The following MCTP2 variants were observed in gnomAD, a reference collection of about 807,000 sequenced individuals.
The protein encoded by MCTP2 is multiple C2 and transmembrane domain-containing protein 2.
A neutral mutation model predicts 111.6 loss-of-function variants in MCTP2; 132 were observed. That is an observed-to-expected ratio of 1.18 (90% CI 1.03 to 1.37). MCTP2 has a LOEUF of 1.37. Among genes scored for constraint, MCTP2 ranks in the 40% most tolerant of loss-of-function variants. MCTP2 has a pLI of 0.00. For missense variants in MCTP2, 1,183 were observed against 1,067.9 expected (o/e 1.11, Z -1.50); for synonymous variants, 395 against 387.7 (o/e 1.02, Z -0.22).
intron 4 of MCTP2, among the ~76,000 whole-genome samples, chr15:94,321,496 T>C (rs1313159661): frequency 1.3e-5 from 2 of 152,220 alleles, no homozygotes; most frequent in African/African-American, 4.8e-5. Context: ...TATGTTGTTA[T>C]AGTAATTAAT....
intron 4 of MCTP2, among the ~76,000 whole-genome samples, chr15:94,337,297 C>T (rs971255623): frequency 5.9e-5 from 9 of 152,100 alleles, no homozygotes; most frequent in East Asian, 1.9e-4. Flanking sequence ...GCCATTCACC[C>T]GTGAAACAGT....
chr15:94,390,626 A>C (rs1454346677), intron 14 of MCTP2, among the ~76,000 whole-genome samples: 1 of 152,186 alleles, frequency 6.6e-6, no homozygotes, highest in African/African-American at 2.4e-5. Flanking sequence ...CTTTCATGGT[A>C]ATCTGTAAAA....
At chr15:94,381,396 A>G (rs2080128167) in intron 12 of MCTP2, among the ~76,000 whole-genome samples, 1 of 152,230 alleles carries the variant, frequency 6.6e-6, no homozygotes, top group South Asian at 2.1e-4. Context: ...GAGAGTTGGT[A>G]CAATGTGTTC....
rs371294364 is a variant in MCTP2 at position 94,384,077 on chromosome 15, T to A, written c.1638T>A (p.His546Gln). Residue 546 changes from histidine (H) to glutamine (Q), a missense_variant, in exon 13 of 23, where the codon CAT (histidine) becomes CAA (glutamine). His to Gln is a conservative substitution (Grantham distance 24). Transcript: ENST00000357742. ...LELGNDRLQT[H>Q]TVYKNLNPEW... is the part of the protein sequence containing the mutation. ...TAGGCAATGACCGACTTCAGACGCA[T>A]ACCGTCTACAAAAACCTCAACCCTG... 8.7e-6 allele frequency: 14 copies of A among 1,613,880 alleles called. No homozygotes were observed. In the African/African-American group the frequency reaches 1.9e-4, roughly 22 times the overall value.
intron 21 of MCTP2, among the ~76,000 whole-genome samples, chr15:94,474,280 CCTTT>C (rs774804699): frequency 1.1e-4 from 17 of 152,218 alleles, no homozygotes; most frequent in African/African-American, 3.9e-4. Flanking sequence ...ATGCTCACTT[CCTTT>C]GTCTCCTTAG....
intron 13 of MCTP2, 79 bp downstream of exon 13, chr15:94,384,203 A>C (rs2080321642): frequency 4.5e-6 from 4 of 880,400 alleles, no homozygotes; most frequent in Non-Finnish European, 7.3e-6. Flanking sequence ...TTTTCTGTCC[A>C]TTTTTATGGG....
At position 94,481,699 on chromosome 15, in the gene MCTP2, A is replaced by C. The variant is rs112588367; in HGVS notation, c.*2665A>C. The C allele has an allele frequency of 6.6e-6, 1 of 152,234 alleles. No individual in the cohort carries two copies. The highest frequency in any genetic ancestry group is 2.4e-5 in the African/African-American group (1 of 41,444). The allele number at this position is 152,234 out of a possible 1,614,324, so 9.4% of individuals were successfully genotyped here. A position where few individuals can be genotyped will look rare whatever the true frequency, so the allele number is the denominator to read the frequency against. ...CCTTTTTTGTACCATCACATCTTTC[A>C]TATCTTTCTGGCATCTGCCATACAT... On this transcript the variant is annotated 3_prime_UTR_variant, in exon 23 of 23. Transcript: ENST00000357742.
In MCTP2 at chr15:94,356,230, A is replaced by G. The variant is rs2078616745; in HGVS notation, c.1099A>G (p.Asn367Asp). Residue 367 changes from asparagine (N) to aspartate (D), a missense_variant, in exon 9 of 23, where the codon AAT (asparagine) becomes GAT (aspartate). Transcript: ENST00000357742. ...IISITLLEGK[N>D]VSGGSMTEMF... Reference sequence around the variant, plus strand: ...AAGTATAACTTTGTTGGAAGGGAAGAATGTCTCAGGAGGAAGCATGACAGA... The same window carrying G: ...AAGTATAACTTTGTTGGAAGGGAAGGATGTCTCAGGAGGAAGCATGACAGA... 6.2e-7 allele frequency: 1 copy of G among 1,613,514 alleles called. No individual in the cohort carries two copies. The highest frequency in any genetic ancestry group is 8.5e-7 in the Non-Finnish European group (1 of 1,179,714).
chr15:94,468,095 A>G (rs1002078158), intron 20 of MCTP2, among the ~76,000 whole-genome samples: 1 of 151,430 alleles, frequency 6.6e-6, no homozygotes, highest in Non-Finnish European at 1.5e-5. Flanking sequence ...CAACAAACTG[A>G]AAGAATATAT....
intron 14 of MCTP2, among the ~76,000 whole-genome samples, chr15:94,387,133 CCT>C (rs1567594604): frequency 9.2e-5 from 14 of 151,780 alleles, no homozygotes; most frequent in African/African-American, 3.2e-4. Flanking sequence ...CTTCCTCCTT[CCT>C]CCTTCCCCCC....
chr15:94,275,952 A>G (rs951303389), intron 1 of MCTP2, among the ~76,000 whole-genome samples: 3 of 150,600 alleles, frequency 2.0e-5, no homozygotes, highest in African/African-American at 4.9e-5. Context: ...TGGTTCAAGC[A>G]ATTCTCCTGC....
At chr15:94,412,463 C>T (rs1050553767) in intron 17 of MCTP2, among the ~76,000 whole-genome samples, 2 of 152,092 alleles carry the variant, frequency 1.3e-5, no homozygotes, top group African/African-American at 2.4e-5. Context: ...GAATTTTCCT[C>T]ATCAAAATGT....
At chr15:94,296,697 T>G (rs1420073649) in intron 1 of MCTP2, among the ~76,000 whole-genome samples, 1 of 152,232 alleles carries the variant, frequency 6.6e-6, no homozygotes, top group African/African-American at 2.4e-5. Context: ...CTAGGTAATC[T>G]CGTCCCCACT....
chr15:94,472,257 A>G (rs887794381), intron 21 of MCTP2, among the ~76,000 whole-genome samples: 1 of 152,172 alleles, frequency 6.6e-6, no homozygotes, highest in Non-Finnish European at 1.5e-5. Context: ...GGCACCTGTA[A>G]TCCCAGCTAC....
At chr15:94,361,838 T>C (rs2078959494) in intron 10 of MCTP2, among the ~76,000 whole-genome samples, 1 of 152,088 alleles carries the variant, frequency 6.6e-6, no homozygotes, top group Non-Finnish European at 1.5e-5. Flanking sequence ...TGAAGTTTTA[T>C]AACCAGGTAT....
At chr15:94,287,988 C>T (rs1232323724) in intron 1 of MCTP2, among the ~76,000 whole-genome samples, 4 of 152,108 alleles carry the variant, frequency 2.6e-5, no homozygotes, top group Admixed American at 6.6e-5. Context: ...TGTCATGCCC[C>T]GGCTCCCCAA....
At chr15:94,371,126 GA>G (rs372022866) in intron 12 of MCTP2, among the ~76,000 whole-genome samples, 27,068 of 143,100 alleles carry the variant, frequency 0.19, 2,816 homozygotes, top group African/African-American at 0.28. Context: ...AAACTTAGTT[GA>G]AAAAAAAAAA....
At chr15:94,273,483 C>T (rs1179635192) in intron 1 of MCTP2, 1 of 161,512 alleles carries the variant, frequency 6.2e-6, no homozygotes, top group African/African-American at 2.4e-5. Context: ...TATATAGGAG[C>T]CAGAGAGTCA....
intron 13 of MCTP2, 98 bp from the exon 14 acceptor site, chr15:94,385,325 A>T (rs2080394314): frequency 2.5e-6 from 2 of 786,410 alleles, no homozygotes. Flanking sequence ...TACTCTAAGG[A>T]CATACAGACT....
Sources: allele counts gnomAD v4.1 joint callset (sites outside exome capture counted in the v4.1 genomes callset), GRCh38; gene constraint gnomAD v4.1.1; transcripts MANE v1.5; gene names NCBI Gene and HGNC (gene_info 2026-07-23, HGNC 2026-07-21).